The following CADM2 variants were observed in gnomAD, a reference collection of about 807,000 sequenced individuals.
CADM2 encodes the protein cell adhesion molecule 2.
A neutral mutation model predicts 49.8 loss-of-function variants in CADM2; 12 were observed. The observed-to-expected ratio is 0.24, with a 90% CI of 0.15 to 0.39. The LOEUF is 0.39. Ranked by LOEUF, CADM2 falls within the 10% of genes least tolerant of loss-of-function variation. The probability of loss-of-function intolerance (pLI) is 1.00; values close to 1 mark genes in which losing one functional copy is unlikely to be tolerated. For synonymous variants in CADM2, 214 were observed against 175.4 expected (o/e 1.22, Z -1.74); for missense variants, 378 against 492.3 (o/e 0.77, Z 2.20).
At chr3:85,478,365 G>A (rs1259249635) in intron 1 of CADM2, among the ~76,000 whole-genome samples, 1 of 151,942 alleles carries the variant, frequency 6.6e-6, no homozygotes, top group Non-Finnish European at 1.5e-5. Flanking sequence ...AAAAATAAGT[G>A]CCATTATTAA....
chr3:85,321,410 C>A (rs1344949245), intron 1 of CADM2, among the ~76,000 whole-genome samples: 2 of 151,510 alleles, frequency 1.3e-5, no homozygotes, highest in Non-Finnish European at 2.9e-5. Context: ...GTCTCAAACT[C>A]CTGGTCTCAA....
intron 1 of CADM2, among the ~76,000 whole-genome samples, chr3:85,368,163 G>A (rs925260364): frequency 5.3e-5 from 8 of 152,074 alleles, no homozygotes; most frequent in Admixed American, 2.6e-4. Context: ...CAGAGCCCTT[G>A]AATACTTATA....
chr3:85,735,650 A>G (rs555654586), intron 2 of CADM2, among the ~76,000 whole-genome samples: 1 of 152,288 alleles, frequency 6.6e-6, no homozygotes, highest in East Asian at 1.9e-4. Flanking sequence ...TAATAGGATG[A>G]GAATCATAGC....
At chr3:85,635,896 C>T (rs551247358) in intron 1 of CADM2, among the ~76,000 whole-genome samples, 1 of 152,048 alleles carries the variant, frequency 6.6e-6, no homozygotes, top group African/African-American at 2.4e-5. Context: ...CCTATTGCTC[C>T]GTAGTGTTGC....
chr3:85,077,660 C>A (rs1575818301), intron 1 of CADM2, among the ~76,000 whole-genome samples: 1 of 152,124 alleles, frequency 6.6e-6, no homozygotes, highest in Admixed American at 6.5e-5. Context: ...TTCTTATAAA[C>A]TGCATGTTTT....
chr3:85,794,590 G>A (rs962624038), intron 2 of CADM2, among the ~76,000 whole-genome samples: 1 of 152,052 alleles, frequency 6.6e-6, no homozygotes, highest in African/African-American at 2.4e-5. Context: ...TGAAAGTTTT[G>A]TTTCTTTTAA....
intron 1 of CADM2, among the ~76,000 whole-genome samples, chr3:85,530,313 CTTTTCTCCGTTTTTTTTTTTTTTTTTT>C (rs2061270476): frequency 8.2e-6 from 1 of 122,460 alleles, no homozygotes; most frequent in Non-Finnish European, 1.6e-5. Flanking sequence ...AGTTAGACTT[CTTTTCTCCGTTTTTTTTTTTTTTTTTT>C]TTTTTTTTGA....
Position 85,000,378 on chromosome 3 carries a change from TCGGC to T in CADM2, c.61+40712_61+40715del. 1.3e-5 allele frequency among the ~76,000 whole-genome samples: 2 copies of T among 151,926 alleles called. 1 individual carries two copies. The highest frequency in any genetic ancestry group is 4.1e-4 in the South Asian group (2 of 4,820). On this transcript the variant is annotated intron_variant, in intron 1 of 9. Coordinates refer to ENST00000383699, the MANE Select transcript of CADM2 (RefSeq NM_001167675.2). Reference sequence around the variant, plus strand: ...CTTGGGCTCAAGCAATCCTCCCACTTCGGCCTCCCAAAGCACTGCTTCTATTCTT... The same window carrying T: ...CTTGGGCTCAAGCAATCCTCCCACTTCTCCCAAAGCACTGCTTCTATTCTT...
intron 1 of CADM2, among the ~76,000 whole-genome samples, chr3:85,434,290 A>G (rs1191570505): frequency 5.3e-5 from 8 of 151,898 alleles, no homozygotes. Flanking sequence ...TAATTTGGTG[A>G]TATTTTAGAC....
At chr3:86,023,446 C>T (rs193106534) in intron 8 of CADM2, among the ~76,000 whole-genome samples, 116 of 152,182 alleles carry the variant, frequency 7.6e-4, no homozygotes, top group African/African-American at 2.6e-3. Context: ...GCAACCTCCA[C>T]CTCCCGGGTT....
At chr3:85,274,082 A>G (rs1312983166) in intron 1 of CADM2, among the ~76,000 whole-genome samples, 1 of 151,514 alleles carries the variant, frequency 6.6e-6, no homozygotes, top group East Asian at 1.9e-4. Context: ...AGAAACACTG[A>G]GAATTGCAAA....
intron 1 of CADM2, among the ~76,000 whole-genome samples, chr3:85,581,169 G>A (rs186802228): frequency 6.6e-5 from 10 of 151,976 alleles, no homozygotes; most frequent in African/African-American, 9.7e-5. Context: ...TACATTGCAC[G>A]TACATTTGTC....
chr3:85,156,544 G>A (rs1215761387), intron 1 of CADM2, among the ~76,000 whole-genome samples: 2 of 151,980 alleles, frequency 1.3e-5, no homozygotes, highest in Non-Finnish European at 2.9e-5. Context: ...TCTACCAGAG[G>A]TACAAGGAGG....
At chr3:85,190,087 C>T (rs756201673) in intron 1 of CADM2, among the ~76,000 whole-genome samples, 12 of 150,826 alleles carry the variant, frequency 8.0e-5, no homozygotes, top group Middle Eastern at 3.4e-3. Flanking sequence ...ACCTAATCTC[C>T]GAAATGAAAT....
chr3:85,549,440 A>G (rs1158346201), intron 1 of CADM2, among the ~76,000 whole-genome samples: 2 of 152,160 alleles, frequency 1.3e-5, no homozygotes, highest in African/African-American at 4.8e-5. Flanking sequence ...TGGGAGAAAT[A>G]ACAAGAACTA....
At chr3:85,920,456 A>G (rs190820265) in intron 6 of CADM2, among the ~76,000 whole-genome samples, 91 of 151,984 alleles carry the variant, frequency 6.0e-4, no homozygotes, top group Non-Finnish European at 1.1e-3. Flanking sequence ...CTGAAATGGT[A>G]TATATGCTAG....
chr3:85,254,079 AC>A (rs1235264536), intron 1 of CADM2, among the ~76,000 whole-genome samples: 4 of 152,052 alleles, frequency 2.6e-5, no homozygotes, highest in Admixed American at 6.6e-5. Context: ...CTTCTTATTG[AC>A]CAGCTATAAT....
chr3:85,053,123 A>C lies in CADM2; in HGVS notation c.61+93455A>C, dbSNP rs552462857. Among the ~76,000 whole-genome samples the C allele has an allele frequency of 3.1e-4, 47 of 152,216 alleles. No individual in the cohort carries two copies. The South Asian group carries it at 9.7e-3, about 32-fold the overall frequency. ...CAAAATTGCTAATGATAGGCAAAGTATTTGCCAAACTAGTAAAAAATTATT... is the reference window on the plus strand; with the variant it reads ...CAAAATTGCTAATGATAGGCAAAGTCTTTGCCAAACTAGTAAAAAATTATT... On this transcript the variant is annotated intron_variant, in intron 1 of 9. Coordinates refer to ENST00000383699, the MANE Select transcript of CADM2 (RefSeq NM_001167675.2).
At chr3:85,858,974 A>G (rs2075416964) in intron 3 of CADM2, among the ~76,000 whole-genome samples, 1 of 152,200 alleles carries the variant, frequency 6.6e-6, no homozygotes, top group African/African-American at 2.4e-5. Context: ...GTGAGCTATA[A>G]TTTTTAATAC....
Sources: allele counts gnomAD v4.1 joint callset (sites outside exome capture counted in the v4.1 genomes callset), GRCh38; gene constraint gnomAD v4.1.1; transcripts MANE v1.5; gene names NCBI Gene and HGNC (gene_info 2026-07-23, HGNC 2026-07-21).